The following TRPC4 variants were observed in gnomAD, a reference collection of about 807,000 sequenced individuals.
The protein encoded by TRPC4 is short transient receptor potential channel 4.
Under a neutral mutation model 99.4 loss-of-function variants are expected in TRPC4, and 49 were observed. The observed-to-expected ratio is 0.49, with a 90% confidence interval of 0.39 to 0.63. TRPC4 has a LOEUF of 0.63. TRPC4 is among the 20% of genes least tolerant of loss of function. The pLI, the probability that TRPC4 is intolerant of heterozygous loss-of-function variation, is 0.00. For missense variants in TRPC4, 898 were observed against 1,152.9 expected (o/e 0.78, Z 3.20); for synonymous variants, 454 against 425.9 (o/e 1.07, Z -0.81).
At chr13:37,809,495 T>C (rs571852726) in intron 1 of TRPC4, among the ~76,000 whole-genome samples, 6 of 151,176 alleles carry the variant, frequency 4.0e-5, no homozygotes, top group Admixed American at 4.0e-4. Context: ...AACTGACTTA[T>C]AAGCTATTAA....
chr13:37,737,307 T>C (rs1955428646), intron 3 of TRPC4, among the ~76,000 whole-genome samples: 1 of 152,010 alleles, frequency 6.6e-6, no homozygotes, highest in South Asian at 2.1e-4. Flanking sequence ...GGAAATATGC[T>C]AAGTTCTGTA....
chr13:37,680,608 C>T (rs912370264), intron 4 of TRPC4, among the ~76,000 whole-genome samples: 2 of 152,190 alleles, frequency 1.3e-5, no homozygotes, highest in Admixed American at 6.5e-5. Flanking sequence ...CACAGACTTG[C>T]TCTGGTCTGC....
chr13:37,798,736 C>T (rs773736114), intron 1 of TRPC4, among the ~76,000 whole-genome samples: 2 of 152,132 alleles, frequency 1.3e-5, no homozygotes, highest in Non-Finnish European at 2.9e-5. Context: ...CTGAAACCAA[C>T]TATATAAGTG....
chr13:37,731,318 C>A (rs1425750693), intron 3 of TRPC4, among the ~76,000 whole-genome samples: 2 of 152,064 alleles, frequency 1.3e-5, no homozygotes, highest in East Asian at 3.9e-4. Context: ...ACACAGTCAG[C>A]ACACAGAGGC....
chr13:37,670,292 T>C (rs1952795143), intron 5 of TRPC4, among the ~76,000 whole-genome samples: 1 of 152,204 alleles, frequency 6.6e-6, no homozygotes, highest in African/African-American at 2.4e-5. Context: ...CAGATGTTTC[T>C]AAAAGGTTCT....
chr13:37,709,700 A>C (rs757914215), intron 3 of TRPC4, among the ~76,000 whole-genome samples: 2 of 151,954 alleles, frequency 1.3e-5, no homozygotes, highest in Non-Finnish European at 2.9e-5. Flanking sequence ...TTTTCTTTAT[A>C]TGTGCATGTA....
intron 1 of TRPC4, among the ~76,000 whole-genome samples, chr13:37,803,367 T>C (rs1957453357): frequency 6.6e-6 from 1 of 152,056 alleles, no homozygotes; most frequent in Non-Finnish European, 1.5e-5. Context: ...GTGGCTGAGC[T>C]AAGAAAAACA....
At chr13:37,678,561 T>C (rs955702079) in intron 4 of TRPC4, among the ~76,000 whole-genome samples, 2 of 152,010 alleles carry the variant, frequency 1.3e-5, no homozygotes, top group African/African-American at 2.4e-5. Context: ...CAAGAGGACA[T>C]AAAGCAACCT....
chr13:37,686,325 C>CAT (rs978919349), intron 4 of TRPC4, among the ~76,000 whole-genome samples: 2 of 151,648 alleles, frequency 1.3e-5, no homozygotes, highest in African/African-American at 4.8e-5. Flanking sequence ...TGTATACATA[C>CAT]ATATATATGT....
At chr13:37,683,278 C>T (rs1801502565) in intron 4 of TRPC4, among the ~76,000 whole-genome samples, 1 of 152,086 alleles carries the variant, frequency 6.6e-6, no homozygotes, top group African/African-American at 2.4e-5. Flanking sequence ...CTGGGTTCAG[C>T]TCATCACAGA....
rs553811491 is a variant in TRPC4, at chr13:37,864,270, A to G, written c.-28+5325T>C. ...TCTTTCAACTCTAACTACTCCTCTC[A>G]TAGTGTAATGGAACAAAAGCCCTCC... On this transcript the variant is annotated intron_variant, in intron 1 of 10. Coordinates refer to ENST00000379705, the MANE Select transcript of TRPC4 (RefSeq NM_016179.4). Among the ~76,000 whole-genome samples, 10 of 151,664 alleles carry G rather than the reference A, an allele frequency of 6.6e-5. No homozygotes were observed. The South Asian group carries it at 2.1e-3, about 31-fold the overall frequency.
intron 3 of TRPC4, among the ~76,000 whole-genome samples, chr13:37,738,586 G>T (rs1955476828): frequency 6.6e-6 from 1 of 152,176 alleles, no homozygotes; most frequent in Non-Finnish European, 1.5e-5. Flanking sequence ...TAGTTTGAAA[G>T]TGGGATATAT....
At chr13:37,660,549 G>C (rs1011675261) in intron 6 of TRPC4, among the ~76,000 whole-genome samples, 2 of 152,010 alleles carry the variant, frequency 1.3e-5, no homozygotes, top group Non-Finnish European at 2.9e-5. Context: ...GGAAATATTG[G>C]GTTCAAAATT....
intron 1 of TRPC4, among the ~76,000 whole-genome samples, chr13:37,857,405 A>C (rs1398215684): frequency 6.6e-6 from 1 of 151,828 alleles, no homozygotes; most frequent in Non-Finnish European, 1.5e-5. Context: ...TCTTCACAGA[A>C]ACTGAAAAAA....
At chr13:37,779,465 G>A (rs1010579065) in intron 2 of TRPC4, among the ~76,000 whole-genome samples, 1 of 150,098 alleles carries the variant, frequency 6.7e-6, no homozygotes, top group Non-Finnish European at 1.5e-5. Context: ...GATTTATGAA[G>A]GACTACCTTA....
chr13:37,636,766 T>A lies in TRPC4; in HGVS notation c.*137A>T. On this transcript the variant is annotated 3_prime_UTR_variant, in exon 11 of 11. Transcript: ENST00000379705. Reference sequence around the variant, plus strand: ...ATTGCCTTTGCCTTATTTAAACATGTTACAGGTAATATGCCACAGCTGATA... The same window carrying A: ...ATTGCCTTTGCCTTATTTAAACATGATACAGGTAATATGCCACAGCTGATA... The A allele has an allele frequency of 1.6e-6, 2 of 1,250,118 alleles. No individual in the cohort carries two copies. Among genetic ancestry groups the A allele is most frequent in the Non-Finnish European group, 1.1e-6 (1 of 935,922 alleles). The allele number at this position is 1,250,118 out of a possible 1,614,324, so 77.4% of individuals were successfully genotyped here.
In TRPC4 at chr13:37,636,775, A is replaced by ACATGTT. The variant is rs201902201; in HGVS notation, c.*127_*128insAACATG. On this transcript the variant is annotated 3_prime_UTR_variant, in exon 11 of 11. Coordinates refer to ENST00000379705, the MANE Select transcript of TRPC4 (RefSeq NM_016179.4). ...GCCTTATTTAAACATGTTACAGGTA[A>ACATGTT]TATGCCACAGCTGATAAACGCTATA... is the stretch of plus-strand genomic sequence containing the variant. 145,852 of 1,303,748 alleles carry ACATGTT rather than the reference A, an allele frequency of 0.11. 9,141 individuals carry two copies. Among genetic ancestry groups the ACATGTT allele is most frequent in the Middle Eastern group, 0.17 (606 of 3,580 alleles). 80.8% of individuals were successfully genotyped at this position (1,303,748 alleles called of 1,614,324 possible).
intron 1 of TRPC4, among the ~76,000 whole-genome samples, chr13:37,799,940 T>C (rs1957361269): frequency 1.3e-5 from 2 of 152,200 alleles, no homozygotes; most frequent in Admixed American, 1.3e-4. Flanking sequence ...TCTAAGTCTC[T>C]CTCTGTGTGT....
chr13:37,660,927 T>C (rs1359106906), intron 6 of TRPC4, among the ~76,000 whole-genome samples: 1 of 152,148 alleles, frequency 6.6e-6, no homozygotes, highest in African/African-American at 2.4e-5. Flanking sequence ...TTAAACAGAG[T>C]CATCAAGAGA....
Sources: allele counts gnomAD v4.1 joint callset (sites outside exome capture counted in the v4.1 genomes callset), GRCh38; gene constraint gnomAD v4.1.1; transcripts MANE v1.5; gene names NCBI Gene and HGNC (gene_info 2026-07-23, HGNC 2026-07-21).